MIA2: variants seen among roughly 807,000 people sequenced by gnomAD.
MIA2 encodes the protein MIA SH3 domain ER export factor 2.
Under a neutral mutation model 167.8 loss-of-function variants are expected in MIA2, and 127 were observed. That is an observed-to-expected ratio of 0.76 (90% CI 0.66 to 0.88). The LOEUF (loss-of-function observed/expected upper bound fraction) is 0.88. Ranked by LOEUF, MIA2 falls within the 40% of genes least tolerant of loss-of-function variation. The pLI is 0.00. For synonymous variants in MIA2, 552 were observed against 541.9 expected, an observed-to-expected ratio of 1.02 and a Z score of -0.26; for missense variants, 1,690 against 1,624.7, an observed-to-expected ratio of 1.04 and a Z score of -0.69.
chr14:39,253,355 T>G, intron 6 of MIA2, 184 bp downstream of exon 6: 1 of 812,492 alleles, frequency 1.2e-6, no homozygotes, highest in Non-Finnish European at 1.9e-6. Flanking sequence ...TATTGATTTT[T>G]AAAAACATTT....
At chr14:39,357,306 A>G (rs2074554928) in intron 23 of MIA2, among the ~76,000 whole-genome samples, 1 of 152,144 alleles carries the variant, frequency 6.6e-6, no homozygotes, top group Non-Finnish European at 1.5e-5. Context: ...CCATTATGTA[A>G]TGGCCTTGTT....
In MIA2 at chr14:39,245,944, CAT is replaced by C. The variant is rs570518319; in HGVS notation, c.337-966_337-965del. 2.2e-3 allele frequency among the ~76,000 whole-genome samples: 340 copies of C among 152,268 alleles called. 2 individuals carry two copies. Among genetic ancestry groups the C allele is most frequent in the Non-Finnish European group, 2.6e-3 (176 of 68,022 alleles). ...CCTACCTCAAATCAAGGCAAACACA[CAT>C]GTGTTCAGTCAGTGTGTTCTTAGGA... is the stretch of plus-strand genomic sequence containing the variant. On this transcript the variant is annotated intron_variant, in intron 3 of 28. Transcript: ENST00000640607.
intron 7 of MIA2, among the ~76,000 whole-genome samples, chr14:39,277,555 C>T (rs188267161): frequency 4.7e-5 from 7 of 149,882 alleles, no homozygotes; most frequent in Non-Finnish European, 1.0e-4. Context: ...TCTTGTGTTG[C>T]TCAGGCTGGT....
At chr14:39,265,542 T>C (rs1181279452) in intron 6 of MIA2, 6 of 711,590 alleles carry the variant, frequency 8.4e-6, no homozygotes, top group Non-Finnish European at 1.4e-5. Context: ...TTTTTTCATT[T>C]TATCCTCTGT....
At chr14:39,256,223 T>G (rs1215841579) in intron 6 of MIA2, among the ~76,000 whole-genome samples, 1 of 152,152 alleles carries the variant, frequency 6.6e-6, no homozygotes. Flanking sequence ...TCTACAGGGC[T>G]TTAAGTTCAT....
rs1230971004 is a variant in MIA2 at position 39,291,490 on chromosome 14, T to C, written c.2208+394T>C. 2.6e-5 allele frequency among the ~76,000 whole-genome samples: 4 copies of C among 152,246 alleles called. No homozygotes were observed. The South Asian group carries it at 6.2e-4, about 24-fold the overall frequency. ...GGAATAGTTGGCAACAATAACTTTG[T>C]AAATTATGACAGTATTTGCTTTATT... On this transcript the variant is annotated intron_variant, in intron 10 of 28. Transcript: ENST00000640607.
At chr14:39,307,602 G>A (rs2063567371) in intron 17 of MIA2, among the ~76,000 whole-genome samples, 10 of 151,950 alleles carry the variant, frequency 6.6e-5, no homozygotes. Context: ...GTTTTGCCAT[G>A]TTGGCCAGGC....
At chr14:39,359,992 GTTTTT>G (rs58076493) in intron 23 of MIA2, among the ~76,000 whole-genome samples, 1 of 128,814 alleles carries the variant, frequency 7.8e-6, no homozygotes. Flanking sequence ...TCTGCAGCAT[GTTTTT>G]TTTTTTTTTT....
At chr14:39,300,122 T>G in intron 14 of MIA2, 136 bp downstream of exon 14, 1 of 1,096,788 alleles carries the variant, frequency 9.1e-7, no homozygotes. Context: ...TTTCAAATGT[T>G]TCTTGAAGAC....
intron 7 of MIA2, among the ~76,000 whole-genome samples, chr14:39,277,734 A>ATG (rs2058319517): frequency 4.6e-4 from 2 of 4,354 alleles, no homozygotes; most frequent in African/African-American, 2.9e-3. Flanking sequence ...ATATATATAT[A>ATG]TATATATATG....
intron 6 of MIA2, chr14:39,276,443 C>T (rs1393553338): frequency 1.3e-5 from 2 of 153,958 alleles, no homozygotes; most frequent in East Asian, 1.9e-4. Flanking sequence ...AAACCCAAAT[C>T]TCTATCAGTG....
intron 25 of MIA2, among the ~76,000 whole-genome samples, chr14:39,345,692 C>T (rs2073083054): frequency 6.6e-6 from 1 of 151,866 alleles, no homozygotes; most frequent in Non-Finnish European, 1.5e-5. Flanking sequence ...TTTCAAAATC[C>T]AAAGTAGCAG....
chr14:39,244,056 G>A (rs2054181630), intron 3 of MIA2, among the ~76,000 whole-genome samples: 1 of 152,232 alleles, frequency 6.6e-6, no homozygotes, highest in Non-Finnish European at 1.5e-5. Flanking sequence ...TGGCTTTGCT[G>A]AGCATGCATT....
At chr14:39,284,499 A>G (rs556422774) in intron 9 of MIA2, among the ~76,000 whole-genome samples, 5 of 152,054 alleles carry the variant, frequency 3.3e-5, no homozygotes, top group East Asian at 3.9e-4. Context: ...TGCCAACTCT[A>G]TTTTTCTCAG....
chr14:39,234,682 C>T (rs961357038), intron 1 of MIA2, among the ~76,000 whole-genome samples: 1 of 152,012 alleles, frequency 6.6e-6, no homozygotes, highest in Non-Finnish European at 1.5e-5. Flanking sequence ...CATGACGTTC[C>T]TAAAAAGTGT....
At chr14:39,353,142 G>C (rs375259978), downstream of MIA2, among the ~76,000 whole-genome samples, 1 of 152,042 alleles carries the variant, frequency 6.6e-6, no homozygotes, top group Non-Finnish European at 1.5e-5. Flanking sequence ...TCAAGTCAGG[G>C]TATTTGGGGG....
At chr14:39,303,660 C>A in intron 16 of MIA2, 136 bp downstream of exon 16, 1 of 567,524 alleles carries the variant, frequency 1.8e-6, no homozygotes, top group Non-Finnish European at 3.0e-6. Context: ...GAATTTTCAT[C>A]ATCAATTGCT....
In MIA2 at chr14:39,256,956, T is replaced by C. The variant is rs569058799; in HGVS notation, c.1887+3785T>C. ...TTCTTAATCCTGAGTTCTAGTTTGA[T>C]TGCACTGTGGTCTGAGAGACTGTTA... On this transcript the variant is annotated intron_variant, in intron 6 of 28. Transcript: ENST00000640607. 3.3e-5 allele frequency among the ~76,000 whole-genome samples: 5 copies of C among 152,308 alleles called. 1 individual carries two copies. The South Asian group carries it at 1.0e-3, about 32-fold the overall frequency.
intron 6 of MIA2, among the ~76,000 whole-genome samples, chr14:39,260,902 A>G (rs2055069817): frequency 6.6e-6 from 1 of 152,056 alleles, no homozygotes; most frequent in African/African-American, 2.4e-5. Context: ...TAAGGAAGGG[A>G]TCCAGTTTCA....
Sources: gnomAD v4.1 joint callset for allele counts (sites outside exome capture counted in the v4.1 genomes callset) on GRCh38, gnomAD v4.1.1 for gene constraint, MANE v1.5 for transcripts, NCBI Gene and HGNC (gene_info 2026-07-23, HGNC 2026-07-21) for gene names.